The following GAS2 variants were observed in gnomAD, a reference collection of about 807,000 sequenced individuals.
GAS2 encodes growth arrest specific 2.
A neutral mutation model predicts 37.5 loss-of-function variants in GAS2; 20 were observed. The ratio of observed to expected loss-of-function variants is 0.53; its 90% CI spans 0.37 to 0.77. The LOEUF (loss-of-function observed/expected upper bound fraction) is 0.77. GAS2 is among the 30% of genes least tolerant of loss of function. The pLI is 0.00. For missense variants in GAS2, 336 were observed against 373.4 expected (o/e 0.90, Z 0.82); for synonymous variants, 144 against 132.2 (o/e 1.09, Z -0.61).
chr11:22,747,352 A>G (rs753023091), intron 5 of GAS2, among the ~76,000 whole-genome samples: 1 of 152,114 alleles, frequency 6.6e-6, no homozygotes, highest in African/African-American at 2.4e-5. Flanking sequence ...CTGTCCCATA[A>G]ACTGGTACCT....
intron 3 of GAS2, among the ~76,000 whole-genome samples, chr11:22,723,562 A>G (rs1455784459): frequency 6.6e-6 from 1 of 151,800 alleles, no homozygotes; most frequent in Non-Finnish European, 1.5e-5. Context: ...TGCAAAATGG[A>G]TATTTTGTTC....
intron 4 of GAS2, among the ~76,000 whole-genome samples, chr11:22,730,372 C>T (rs1480401879): frequency 6.6e-6 from 1 of 151,620 alleles, no homozygotes; most frequent in Admixed American, 6.6e-5. Context: ...TTTTATACAT[C>T]AGTATATTAA....
At chr11:22,677,394 A>G (rs1003704271) in intron 2 of GAS2, among the ~76,000 whole-genome samples, 1 of 152,158 alleles carries the variant, frequency 6.6e-6, no homozygotes, top group African/African-American at 2.4e-5. Context: ...AGAGGAAGAG[A>G]GTTTCATGAG....
At position 22,699,204 on chromosome 11, in the gene GAS2, G is replaced by C. The variant is rs572300799; in HGVS notation, c.267+13415G>C. On this transcript the variant is annotated intron_variant, in intron 3 of 7. Coordinates refer to ENST00000454584, the MANE Select transcript of GAS2 (RefSeq NM_001143830.3). The stretch of plus-strand genomic sequence containing the variant: ...TACTCTGGTACCAAAGAAATTTTTG[G>C]AAAAGATGAATTTATTGAGATAAAT... 3.9e-4 allele frequency among the ~76,000 whole-genome samples: 59 copies of C among 152,182 alleles called. 1 individual carries two copies. Among genetic ancestry groups the C allele is most frequent in the African/African-American group, 1.4e-3 (58 of 41,526 alleles).
intron 3 of GAS2, among the ~76,000 whole-genome samples, chr11:22,693,895 T>G (rs1850370434): frequency 1.3e-5 from 2 of 152,164 alleles, no homozygotes; most frequent in African/African-American, 4.8e-5. Flanking sequence ...GAAAATTTGT[T>G]GCTCTTTTTG....
chr11:22,670,392 C>T (rs1465199543), intron 1 of GAS2, among the ~76,000 whole-genome samples: 2 of 134,344 alleles, frequency 1.5e-5, no homozygotes, highest in Non-Finnish European at 3.2e-5. Context: ...TAATCATCAT[C>T]TTAGGGGCAG....
chr11:22,645,772 G>A (rs919262514), intron 1 of GAS2, among the ~76,000 whole-genome samples: 2 of 151,484 alleles, frequency 1.3e-5, no homozygotes, highest in African/African-American at 2.4e-5. Flanking sequence ...TTCTAGTTCA[G>A]ATAAAGTTTT....
intron 7 of GAS2, among the ~76,000 whole-genome samples, chr11:22,790,549 A>G (rs567766014): frequency 2.0e-5 from 3 of 151,934 alleles, no homozygotes; most frequent in African/African-American, 7.2e-5. Flanking sequence ...ATTGCCCTCA[A>G]AGACTCGGCT....
chr11:22,756,466 T>C (rs1371209515), intron 7 of GAS2, among the ~76,000 whole-genome samples: 1 of 152,134 alleles, frequency 6.6e-6, no homozygotes, highest in African/African-American at 2.4e-5. Context: ...AGTTAAAAAA[T>C]ATCCTGCTGT....
intron 7 of GAS2, among the ~76,000 whole-genome samples, chr11:22,768,472 C>G (rs941802646): frequency 3.3e-5 from 5 of 152,174 alleles, no homozygotes; most frequent in African/African-American, 1.2e-4. Flanking sequence ...GCACTACACT[C>G]ACAGCTTGCC....
intron 1 of GAS2, among the ~76,000 whole-genome samples, chr11:22,652,001 T>C (rs1026773944): frequency 2.0e-5 from 3 of 152,202 alleles, no homozygotes; most frequent in Admixed American, 2.0e-4. Flanking sequence ...TGCTCTGCTT[T>C]TTAGAGTTTC....
intron 7 of GAS2, among the ~76,000 whole-genome samples, chr11:22,775,187 A>T (rs1855193321): frequency 6.6e-6 from 1 of 152,184 alleles, no homozygotes; most frequent in African/African-American, 2.4e-5. Context: ...AGACGAGGAG[A>T]AACATGAGTA....
At chr11:22,739,242 G>A (rs1852919811) in intron 5 of GAS2, among the ~76,000 whole-genome samples, 3 of 152,134 alleles carry the variant, frequency 2.0e-5, no homozygotes, top group Non-Finnish European at 1.5e-5. Flanking sequence ...ATGGCCTTAA[G>A]TCAAGTGAAA....
rs200563155 is a variant in GAS2, at chr11:22,645,519, A to G, written c.-21+19706A>G. The stretch of plus-strand genomic sequence containing the variant: ...GACTGTCTTAAAAATATATATATAT[A>G]TACACACACACACACATACATATAA... On this transcript the variant is annotated intron_variant, in intron 1 of 5. Transcript: ENST00000528582. 4.0e-5 allele frequency among the ~76,000 whole-genome samples: 6 copies of G among 151,356 alleles called. No individual in the cohort carries two copies. The East Asian group carries it at 1.2e-3, about 31-fold the overall frequency.
chr11:22,789,199 C>T (rs978246622), intron 7 of GAS2, among the ~76,000 whole-genome samples: 1 of 147,126 alleles, frequency 6.8e-6, no homozygotes, highest in Non-Finnish European at 1.5e-5. Flanking sequence ...GATGGAGATA[C>T]TTTTGGGAAT....
intron 7 of GAS2, among the ~76,000 whole-genome samples, chr11:22,769,244 C>T (rs1476966196): frequency 1.3e-5 from 2 of 152,202 alleles, no homozygotes; most frequent in African/African-American, 4.8e-5. Flanking sequence ...ATACCTCCTA[C>T]TATTCCTCTA....
intron 1 of GAS2, among the ~76,000 whole-genome samples, chr11:22,628,607 TGTC>T (rs1367861410): frequency 3.9e-5 from 6 of 152,224 alleles, no homozygotes; most frequent in African/African-American, 7.2e-5. Context: ...AAAACTTTCT[TGTC>T]GTCTTTTCAT....
intron 7 of GAS2, among the ~76,000 whole-genome samples, chr11:22,795,696 C>G (rs1423343224): frequency 6.6e-6 from 1 of 152,028 alleles, no homozygotes; most frequent in Non-Finnish European, 1.5e-5. Flanking sequence ...GAAACTTAGG[C>G]TATTGGGATA....
intron 3 of GAS2, among the ~76,000 whole-genome samples, chr11:22,695,660 A>G (rs913612946): frequency 6.6e-6 from 1 of 152,214 alleles, no homozygotes; most frequent in African/African-American, 2.4e-5. Context: ...TGTAAATTCC[A>G]TATATCACAG....
Sources: gnomAD v4.1 joint callset for allele counts (sites outside exome capture counted in the v4.1 genomes callset) on GRCh38, gnomAD v4.1.1 for gene constraint, MANE v1.5 for transcripts, NCBI Gene and HGNC (gene_info 2026-07-23, HGNC 2026-07-21) for gene names.